MSMB: variants seen among roughly 807,000 people sequenced by gnomAD.
MSMB encodes beta-microseminoprotein.
In MSMB, 10 loss-of-function variants were observed where a neutral mutation model predicts 10.5. That is an observed-to-expected ratio of 0.95 (90% CI 0.59 to 1.62). The LOEUF is 1.62. Ranked by LOEUF, MSMB falls within the 40% of genes most tolerant of loss-of-function variation. MSMB has a pLI of 0.00. For missense variants in MSMB, 126 were observed against 137.4 expected, an observed-to-expected ratio of 0.92 and a Z score of 0.42; for synonymous variants, 43 against 46.5, an observed-to-expected ratio of 0.93 and a Z score of 0.30.
At chr10:46,045,822 C>T (rs1840883713) in intron 1 of MSMB, among the ~76,000 whole-genome samples, 1 of 152,154 alleles carries the variant, frequency 6.6e-6, no homozygotes, top group African/African-American at 2.4e-5. Context: ...TATCTCAGCT[C>T]ATTCACAGGC....
chr10:46,046,146 G>T, intron 1 of MSMB, 89 bp downstream of exon 1: 1 of 1,310,644 alleles, frequency 7.6e-7, no homozygotes, highest in Non-Finnish European at 1.1e-6. Flanking sequence ...ACCATTCAAT[G>T]CTATGTGGTA....
chr10:46,034,659 A>G (rs1284045959), intron 3 of MSMB, among the ~76,000 whole-genome samples: 1 of 151,740 alleles, frequency 6.6e-6, no homozygotes, highest in Non-Finnish European at 1.5e-5. Flanking sequence ...CCCCGTCTCC[A>G]CTAAAAATAC....
chr10:46,039,835 T>G (rs1170683058), intron 2 of MSMB, 151 bp downstream of exon 2: 1 of 575,320 alleles, frequency 1.7e-6, no homozygotes, highest in African/African-American at 1.9e-5. Flanking sequence ...TGAGCTGAAA[T>G]GGTGCCACTG....
chr10:46,037,256 A>C (rs1192140175), intron 3 of MSMB, among the ~76,000 whole-genome samples: 2 of 152,170 alleles, frequency 1.3e-5, no homozygotes, highest in Admixed American at 1.3e-4. Context: ...CTGATCAATC[A>C]GTTCTGGGAT....
intron 3 of MSMB, among the ~76,000 whole-genome samples, chr10:46,035,643 T>C (rs1336386608): frequency 1.3e-5 from 2 of 152,042 alleles, no homozygotes; most frequent in South Asian, 4.2e-4. Context: ...TTACCACAGG[T>C]TTGGGGGACA....
chr10:46,045,059 G>A (rs1840860833), intron 1 of MSMB, among the ~76,000 whole-genome samples: 1 of 152,112 alleles, frequency 6.6e-6, no homozygotes, highest in Non-Finnish European at 1.5e-5. Context: ...GTCCCCTCCT[G>A]AGGACCCTCT....
intron 1 of MSMB, among the ~76,000 whole-genome samples, chr10:46,042,660 C>A (rs1282460075): frequency 6.6e-6 from 1 of 152,096 alleles, no homozygotes; most frequent in Non-Finnish European, 1.5e-5. Flanking sequence ...AACAAAATGC[C>A]CAAGAACAGA....
intron 3 of MSMB, among the ~76,000 whole-genome samples, chr10:46,035,477 C>T (rs1554927430): frequency 6.6e-6 from 1 of 152,128 alleles, no homozygotes; most frequent in Non-Finnish European, 1.5e-5. Flanking sequence ...CTGGCAGAAA[C>T]AAGAATGAAG....
intron 1 of MSMB, among the ~76,000 whole-genome samples, chr10:46,043,892 C>T (rs1234825502): frequency 1.3e-5 from 2 of 150,278 alleles, no homozygotes; most frequent in African/African-American, 5.0e-5. Context: ...CCAGGCTGGT[C>T]TCAAATACCT....
At chr10:46,038,845 A>C (rs919942177) in intron 3 of MSMB, 121 bp downstream of exon 3, 1 of 784,272 alleles carries the variant, frequency 1.3e-6, no homozygotes, top group Admixed American at 2.4e-5. Context: ...CTCTATATAA[A>C]GTCTATAAAA....
chr10:46,042,583 G>A (rs1373044323), intron 1 of MSMB, among the ~76,000 whole-genome samples: 1 of 152,094 alleles, frequency 6.6e-6, no homozygotes, highest in African/African-American at 2.4e-5. Flanking sequence ...CCTAAAAATG[G>A]CACAGAGACA....
intron 1 of MSMB, among the ~76,000 whole-genome samples, chr10:46,043,060 T>C (rs1334975159): frequency 5.3e-5 from 8 of 152,212 alleles, no homozygotes; most frequent in African/African-American, 1.9e-4. Context: ...CTCGAAATCA[T>C]TGTGGAAACC....
chr10:46,036,430 T>C (rs1434025692), intron 3 of MSMB, among the ~76,000 whole-genome samples: 1 of 152,206 alleles, frequency 6.6e-6, no homozygotes, highest in Non-Finnish European at 1.5e-5. Flanking sequence ...ACAGGCAACA[T>C]GGCAGTAGAA....
At position 46,042,111 on chromosome 10, in the gene MSMB, T is replaced by C. The variant is rs79999726; in HGVS notation, c.4-2020A>G. Among the ~76,000 whole-genome samples the C allele has an allele frequency of 2.8e-4, 43 of 152,304 alleles. No homozygotes were observed. In the East Asian group the frequency reaches 7.9e-3, roughly 28 times the overall value. ...ATAAAATAATCACAGCATATATACA[T>C]AAATACTTATTCTAAGCATAAAAGA... On this transcript the variant is annotated intron_variant, in intron 1 of 3. Transcript: ENST00000582163.
At chr10:46,033,727 C>G (rs1840521296) in intron 3 of MSMB, among the ~76,000 whole-genome samples, 176 bp from the exon 4 acceptor site, 1 of 152,222 alleles carries the variant, frequency 6.6e-6, no homozygotes, top group Admixed American at 6.5e-5. Flanking sequence ...TAGAGTCACA[C>G]AGCTCACCCC....
chr10:46,039,137 T>C, intron 2 of MSMB, 66 bp from the exon 3 acceptor site: 3 of 1,363,064 alleles, frequency 2.2e-6, no homozygotes, highest in Non-Finnish European at 3.1e-6. Context: ...ATCAGGACAT[T>C]GAGTCCTGCC....
intron 3 of MSMB, among the ~76,000 whole-genome samples, chr10:46,034,998 T>C (rs782263019): frequency 3.3e-5 from 5 of 151,976 alleles, no homozygotes; most frequent in Non-Finnish European, 5.9e-5. Context: ...AATAAATAAA[T>C]AAATAAAAAT....
chr10:46,033,399 G>T lies in MSMB; in HGVS notation c.*23C>A. ...GAGGAGAATGAGGCCTGGCCTGGGA[G>T]CCCTGTGCCTACTAGAAGCACATTA... is the stretch of plus-strand genomic sequence containing the variant. On this transcript the variant is annotated 3_prime_UTR_variant, in exon 4 of 4. Coordinates refer to ENST00000582163, the MANE Select transcript of MSMB (RefSeq NM_002443.4). The T allele has an allele frequency of 6.2e-7, 1 of 1,612,368 alleles. No individual in the cohort carries two copies. The highest frequency in any genetic ancestry group is 8.5e-7 in the Non-Finnish European group (1 of 1,178,780).
At chr10:46,040,264 C>G (rs2062631830) in intron 1 of MSMB, among the ~76,000 whole-genome samples, 173 bp from the exon 2 acceptor site, 1 of 152,124 alleles carries the variant, frequency 6.6e-6, no homozygotes, top group Admixed American at 6.5e-5. Flanking sequence ...GGAAAAGTAT[C>G]TAGTTGACTT....
Sources: gnomAD v4.1 joint callset for allele counts (sites outside exome capture counted in the v4.1 genomes callset) on GRCh38, gnomAD v4.1.1 for gene constraint, MANE v1.5 for transcripts, NCBI Gene and HGNC (gene_info 2026-07-23, HGNC 2026-07-21) for gene names.